Variants in FRAS1 observed in about 807,000 individuals in gnomAD.
The protein encoded by FRAS1 is Fraser extracellular matrix complex subunit 1, also known as extracellular matrix organizing protein FRAS1.
Under a neutral mutation model 435.2 loss-of-function variants are expected in FRAS1, and 290 were observed. The ratio of observed to expected loss-of-function variants is 0.67; its 90% CI spans 0.61 to 0.73. The LOEUF is 0.73. FRAS1 is among the 30% of genes least tolerant of loss of function. The pLI, the probability that FRAS1 is intolerant of heterozygous loss-of-function variation, is 0.00. For synonymous variants in FRAS1, 1,800 were observed against 1,851.0 expected (o/e 0.97, Z 0.71); for missense variants, 4,860 against 5,001.5 (o/e 0.97, Z 0.85).
intron 22 of FRAS1, among the ~76,000 whole-genome samples, chr4:78,368,198 T>C (rs1020830277): frequency 1.3e-5 from 2 of 151,780 alleles, no homozygotes; most frequent in African/African-American, 4.9e-5. Flanking sequence ...AGTTAAAATA[T>C]TCTTTTCTAA....
intron 2 of FRAS1, among the ~76,000 whole-genome samples, chr4:78,117,846 C>T (rs530973369): frequency 1.7e-4 from 26 of 152,396 alleles, no homozygotes; most frequent in East Asian, 9.6e-4. Flanking sequence ...AGTCATTCTC[C>T]GTCCAGCTTT....
Position 78,281,393 on chromosome 4 carries a change from C to A in FRAS1, c.1072-5C>A. On this transcript the variant is annotated splice_region_variant and splice_polypyrimidine_tract_variant and intron_variant, in intron 10 of 73. Transcript: ENST00000512123. Reference sequence around the variant, plus strand: ...CATAATAAAGACATTTCTCTTTGTTCCTAGATGTCATCAAATGCTAGTGAA... The same window carrying A: ...CATAATAAAGACATTTCTCTTTGTTACTAGATGTCATCAAATGCTAGTGAA... The A allele has an allele frequency of 1.3e-6, 2 of 1,568,280 alleles. No homozygotes were observed. The highest frequency in any genetic ancestry group is 1.7e-6 in the Non-Finnish European group (2 of 1,155,800).
rs191708904 is a variant in FRAS1 at position 78,387,498 on chromosome 4, G to A, written c.3772G>A (p.Asp1258Asn). Residue 1258 changes from aspartate (D) to asparagine (N), a missense_variant, in exon 29 of 74, where the codon GAT becomes AAT. Asp to Asn is a conservative substitution (Grantham distance 23). Transcript: ENST00000512123. Reference sequence around the variant, plus strand: ...ACAGGATGTGGTCATTGAAATAATCGATCCTCCACTTCATGGCCAATTGCT... The same window carrying A: ...ACAGGATGTGGTCATTGAAATAATCAATCCTCCACTTCATGGCCAATTGCT... Reference protein sequence around the residue: ...NPQDVVIEIIDPPLHGQLLQT... With the variant: ...NPQDVVIEIINPPLHGQLLQT... 62 of 1,613,084 alleles carry A rather than the reference G, an allele frequency of 3.8e-5. No homozygotes were observed. In the Admixed American group the frequency reaches 5.2e-4, roughly 13 times the overall value.
chr4:78,324,757 A>G (rs1272338754), intron 18 of FRAS1, among the ~76,000 whole-genome samples: 2 of 119,432 alleles, frequency 1.7e-5, no homozygotes, highest in Non-Finnish European at 3.3e-5. Context: ...GAGCTTTACA[A>G]TTTAATTCCA....
Position 78,541,202 on chromosome 4 carries a change from G to T in FRAS1, c.*78G>T, listed in dbSNP as rs77632937. 5.7e-3 allele frequency: 5,224 copies of T among 910,592 alleles called. 168 individuals are homozygous for T. In the African/African-American group the frequency reaches 0.079, roughly 14 times the overall value. The allele number at this position is 910,592 out of a possible 1,614,324, so 56.4% of individuals were successfully genotyped here. A position where few individuals can be genotyped will look rare whatever the true frequency, so the allele number is the denominator to read the frequency against. ...GAAATACTGGTATTTTTATAATCTC[G>T]CAGATAAAAAAGGGAAAACTATAGC... On this transcript the variant is annotated 3_prime_UTR_variant, in exon 74 of 74. Coordinates refer to ENST00000512123, the MANE Select transcript of FRAS1 (RefSeq NM_025074.7).
intron 17 of FRAS1, 33 bp downstream of exon 17, chr4:78,317,541 C>G (rs761787466): frequency 6.3e-7 from 1 of 1,580,574 alleles, no homozygotes; most frequent in African/African-American, 1.4e-5. Flanking sequence ...TCTTGAGAGG[C>G]TATCCCACAA....
At chr4:78,095,544 C>T (rs536617661) in intron 2 of FRAS1, among the ~76,000 whole-genome samples, 21 of 152,220 alleles carry the variant, frequency 1.4e-4, no homozygotes, top group Admixed American at 4.6e-4. Flanking sequence ...AAGACTTACC[C>T]GAGACTGGGA....
chr4:78,103,939 A>G (rs549504543), intron 2 of FRAS1, among the ~76,000 whole-genome samples: 16 of 152,246 alleles, frequency 1.1e-4, no homozygotes, highest in Non-Finnish European at 1.5e-5. Context: ...ACTAGGCTCT[A>G]TGTCCAGTTG....
chr4:78,116,628 T>C (rs1026095585), intron 2 of FRAS1, among the ~76,000 whole-genome samples: 5 of 152,210 alleles, frequency 3.3e-5, no homozygotes, highest in African/African-American at 9.7e-5. Flanking sequence ...TTAAAGTCTG[T>C]TTTATCAGAG....
chr4:78,536,909 A>T, intron 71 of FRAS1, 86 bp from the exon 72 acceptor site: 1 of 1,019,092 alleles, frequency 9.8e-7, no homozygotes, highest in Non-Finnish European at 1.5e-6. Context: ...CTCTTAAGGG[A>T]GCATGTTTAA....
chr4:78,256,668 T>A (rs1725810753), intron 6 of FRAS1, among the ~76,000 whole-genome samples: 1 of 152,222 alleles, frequency 6.6e-6, no homozygotes, highest in South Asian at 2.1e-4. Flanking sequence ...ATGCACAATA[T>A]TCACTTACAG....
intron 2 of FRAS1, among the ~76,000 whole-genome samples, chr4:78,092,846 G>C (rs986781543): frequency 6.6e-6 from 1 of 152,192 alleles, no homozygotes; most frequent in Non-Finnish European, 1.5e-5. Context: ...GAAGACTTCA[G>C]AGTAACTCCT....
intron 2 of FRAS1, among the ~76,000 whole-genome samples, chr4:78,182,942 T>G: frequency 6.8e-6 from 1 of 147,820 alleles, no homozygotes; most frequent in South Asian, 2.2e-4. Context: ...GAGTCTGGAG[T>G]TCAGCACAAA....
chr4:78,274,238 A>T (rs1726875171), intron 9 of FRAS1, among the ~76,000 whole-genome samples: 1 of 151,894 alleles, frequency 6.6e-6, no homozygotes, highest in Admixed American at 6.6e-5. Flanking sequence ...TCAGTCTATC[A>T]ATTTTGTTGA....
At chr4:78,175,660 AC>A (rs1721739478) in intron 2 of FRAS1, among the ~76,000 whole-genome samples, 1 of 152,216 alleles carries the variant, frequency 6.6e-6, no homozygotes, top group Non-Finnish European at 1.5e-5. Flanking sequence ...ATTTCTGGGA[AC>A]CTGGAAGCAG....
intron 20 of FRAS1, among the ~76,000 whole-genome samples, chr4:78,344,881 A>G (rs1560670566): frequency 6.6e-6 from 1 of 152,228 alleles, no homozygotes; most frequent in Non-Finnish European, 1.5e-5. Context: ...CTTTTCCAAT[A>G]CATACATACG....
chr4:78,464,412 G>A, intron 48 of FRAS1, 31 bp from the exon 49 acceptor site: 3 of 1,613,608 alleles, frequency 1.9e-6, no homozygotes, highest in African/African-American at 1.3e-5. Flanking sequence ...CTAGGGACAG[G>A]TGTCCCACCT....
chr4:78,510,170 C>A (rs1720987222), intron 63 of FRAS1, among the ~76,000 whole-genome samples: 1 of 152,276 alleles, frequency 6.6e-6, no homozygotes, highest in Middle Eastern at 3.4e-3. Context: ...GTATCTATTT[C>A]TGTCTTCAAC....
rs4932037 is a variant in FRAS1 at position 78,306,232 on chromosome 4, G to C, written c.1535-1834G>C. On this transcript the variant is annotated intron_variant, in intron 14 of 73. Coordinates refer to ENST00000512123, the MANE Select transcript of FRAS1 (RefSeq NM_025074.7). ...TTGTAGAGTTTCGGCCAAGAGATCC[G>C]CTGTTAGTCTGATGGGCTTCCCTTT... 5.7e-3 allele frequency among the ~76,000 whole-genome samples: 860 copies of C among 151,388 alleles called. 7 individuals carry two copies. The highest frequency in any genetic ancestry group is 0.019 in the African/African-American group (799 of 41,262).
Sources: gnomAD v4.1 joint callset for allele counts (sites outside exome capture counted in the v4.1 genomes callset) on GRCh38, gnomAD v4.1.1 for gene constraint, MANE v1.5 for transcripts, NCBI Gene and HGNC (gene_info 2026-07-23, HGNC 2026-07-21) for gene names.